Variants in CSMD1 observed in about 807,000 individuals in gnomAD.
The protein encoded by CSMD1 is CUB and Sushi multiple domains 1, also known as CUB and sushi domain-containing protein 1.
A neutral mutation model predicts 417.5 loss-of-function variants in CSMD1; 213 were observed. That is an observed-to-expected ratio of 0.51 (90% CI 0.46 to 0.57). The LOEUF (loss-of-function observed/expected upper bound fraction) is 0.57. CSMD1 is among the 20% of genes least tolerant of loss of function. CSMD1 has a pLI of 0.00. For synonymous variants in CSMD1, 2,862 were observed against 1,736.8 expected (o/e 1.65, Z -16.11); for missense variants, 6,923 against 4,529.7 (o/e 1.53, Z -15.17).
intron 5 of CSMD1, among the ~76,000 whole-genome samples, chr8:3,911,505 G>T (rs569057106): frequency 6.7e-6 from 1 of 148,284 alleles, no homozygotes; most frequent in South Asian, 2.1e-4. Context: ...TCCAGCCTGG[G>T]CAACAGAGCA....
At chr8:3,759,989 C>A (rs1384667596) in intron 5 of CSMD1, among the ~76,000 whole-genome samples, 3 of 151,712 alleles carry the variant, frequency 2.0e-5, no homozygotes, top group Admixed American at 6.6e-5. Context: ...TCAGAGCGCA[C>A]TGACCATTTT....
chr8:4,056,290 C>T (rs1036599145), intron 3 of CSMD1, among the ~76,000 whole-genome samples: 21 of 151,820 alleles, frequency 1.4e-4, no homozygotes, highest in African/African-American at 2.4e-4. Context: ...ACCATGTTGG[C>T]CTGGCTCGTC....
chr8:4,369,011 T>A (rs1328754508), intron 3 of CSMD1, among the ~76,000 whole-genome samples: 1 of 152,108 alleles, frequency 6.6e-6, no homozygotes, highest in Non-Finnish European at 1.5e-5. Flanking sequence ...TTGCTCTGGT[T>A]TTTCTAGTTC....
intron 3 of CSMD1, among the ~76,000 whole-genome samples, chr8:4,391,054 G>A (rs531110884): frequency 2.0e-5 from 3 of 152,174 alleles, no homozygotes; most frequent in African/African-American, 4.8e-5. Context: ...TTAAACCCCA[G>A]AGCACTAGGG....
At chr8:4,822,509 G>T (rs1157031749) in intron 1 of CSMD1, among the ~76,000 whole-genome samples, 1 of 151,964 alleles carries the variant, frequency 6.6e-6, no homozygotes, top group South Asian at 2.1e-4. Flanking sequence ...ATTTACCTGG[G>T]CCACAGGATA....
intron 3 of CSMD1, among the ~76,000 whole-genome samples, chr8:4,034,591 C>T (rs1797520032): frequency 1.3e-5 from 2 of 152,112 alleles, no homozygotes; most frequent in Non-Finnish European, 2.9e-5. Context: ...ACTCAGAATG[C>T]CTTGTCCATC....
rs1288817309 is a variant in CSMD1, at chr8:3,399,393, G to A, written c.2403C>T (p.Asp801=). Residue 801 remains aspartate (D), a splice_region_variant and synonymous_variant, in exon 16 of 70, where the codon GAC becomes GAT. Transcript: ENST00000635120. ...KPGHSIKITF[D]RFQTEVNYDT... is the part of the protein sequence containing the mutation. ...ATGAAGACTAATTTTTTTCTTACCTGTCAAAAGTTATTTTGATAGAGTGGC... is the reference window on the plus strand; with the variant it reads ...ATGAAGACTAATTTTTTTCTTACCTATCAAAAGTTATTTTGATAGAGTGGC... The A allele has an allele frequency of 1.9e-6, 3 of 1,597,316 alleles. No homozygotes were observed. In the South Asian group the frequency reaches 3.4e-5, roughly 18 times the overall value.
chr8:3,523,808 T>C (rs1291682032), intron 10 of CSMD1, among the ~76,000 whole-genome samples: 1 of 118,308 alleles, frequency 8.5e-6, no homozygotes. Context: ...CATGTGCACA[T>C]ACACACACGC....
At chr8:3,775,238 A>C (rs1420825164) in intron 5 of CSMD1, among the ~76,000 whole-genome samples, 1 of 152,228 alleles carries the variant, frequency 6.6e-6, no homozygotes, top group African/African-American at 2.4e-5. Flanking sequence ...AACAAGTTAG[A>C]AATGAATTGT....
intron 23 of CSMD1, among the ~76,000 whole-genome samples, chr8:3,329,349 G>A (rs1806741315): frequency 6.6e-6 from 1 of 152,082 alleles, no homozygotes; most frequent in African/African-American, 2.4e-5. Context: ...TTTGCAGCGT[G>A]ACAGAGCCCA....
At chr8:3,279,628 TACCTGAG>T (rs1802579191) in intron 26 of CSMD1, among the ~76,000 whole-genome samples, 1 of 152,138 alleles carries the variant, frequency 6.6e-6, no homozygotes, top group South Asian at 2.1e-4. Flanking sequence ...AATAAAAACA[TACCTGAG>T]ACTGGGTGAT....
chr8:3,972,104 C>G (rs1436032326), intron 5 of CSMD1, among the ~76,000 whole-genome samples: 1 of 152,030 alleles, frequency 6.6e-6, no homozygotes, highest in African/African-American at 2.4e-5. Context: ...TTCCTGGGCT[C>G]AAGAGATCCT....
At chr8:4,251,284 G>A (rs1182945767) in intron 3 of CSMD1, among the ~76,000 whole-genome samples, 2 of 152,060 alleles carry the variant, frequency 1.3e-5, no homozygotes, top group Non-Finnish European at 2.9e-5. Context: ...TAAAAAAAAT[G>A]TTAAAAAGTA....
chr8:3,117,742 T>A (rs116527336), intron 42 of CSMD1, among the ~76,000 whole-genome samples: 1 of 152,066 alleles, frequency 6.6e-6, no homozygotes, highest in Admixed American at 6.5e-5. Context: ...AGAGACCAGG[T>A]CCTCTGTTGC....
chr8:4,536,312 T>G (rs1009505286), intron 2 of CSMD1, among the ~76,000 whole-genome samples: 3 of 152,172 alleles, frequency 2.0e-5, no homozygotes, highest in East Asian at 1.9e-4. Flanking sequence ...TTTCTCCCTG[T>G]TTTCAGCACA....
intron 3 of CSMD1, among the ~76,000 whole-genome samples, chr8:4,167,447 G>A (rs532128020): frequency 2.0e-5 from 3 of 152,198 alleles, no homozygotes; most frequent in East Asian, 1.9e-4. Flanking sequence ...TTAACACACT[G>A]GAATAGAATG....
intron 54 of CSMD1, among the ~76,000 whole-genome samples, chr8:2,994,424 C>G (rs75589820): frequency 2.0e-5 from 3 of 152,040 alleles, no homozygotes; most frequent in African/African-American, 7.3e-5. Flanking sequence ...GTGGTGAGGA[C>G]GCAGGTGCTG....
At chr8:3,379,819 A>G (rs1287385112) in intron 18 of CSMD1, among the ~76,000 whole-genome samples, 1 of 152,334 alleles carries the variant, frequency 6.6e-6, no homozygotes, top group East Asian at 1.9e-4. Flanking sequence ...AAGCAATACA[A>G]TTCAGGACAT....
chr8:4,113,679 C>T (rs973139362), intron 3 of CSMD1, among the ~76,000 whole-genome samples: 1 of 152,176 alleles, frequency 6.6e-6, no homozygotes, highest in Non-Finnish European at 1.5e-5. Flanking sequence ...GCTAGGATTA[C>T]AGGCATGAGC....
Sources: allele counts gnomAD v4.1 joint callset (sites outside exome capture counted in the v4.1 genomes callset), GRCh38; gene constraint gnomAD v4.1.1; transcripts MANE v1.5; gene names NCBI Gene and HGNC (gene_info 2026-07-23, HGNC 2026-07-21).